Variants in DIP2A observed in about 807,000 individuals in gnomAD.
DIP2A encodes the protein DIP2 acetate--CoA ligase A.
Under a neutral mutation model 177.4 loss-of-function variants are expected in DIP2A, and 85 were observed. That is an observed-to-expected ratio of 0.48 (90% CI 0.40 to 0.57). The LOEUF (loss-of-function observed/expected upper bound fraction) is 0.57, where lower values mean the gene tolerates loss of function less well. DIP2A is among the 20% of genes least tolerant of loss of function. The pLI is 0.00. For missense variants in DIP2A, 1,791 were observed against 2,100.2 expected (o/e 0.85, Z 2.88); for synonymous variants, 886 against 881.8 (o/e 1.00, Z -0.08).
At chr21:46,547,572 C>T (rs1425929668) in intron 21 of DIP2A, among the ~76,000 whole-genome samples, 1 of 151,662 alleles carries the variant, frequency 6.6e-6, no homozygotes, top group Admixed American at 6.6e-5. Flanking sequence ...TACTCCCAAG[C>T]TCCTTGTCTG....
At position 46,490,657 on chromosome 21, in the gene DIP2A, C is replaced by A. The variant is rs1400174650; in HGVS notation, c.221C>A (p.Ala74Asp). ...NRIPGPSQTT[A>D]AAPKQQKSRP... ...ATTCCTGGGCCCTCACAAACCACGG[C>A]CGCTGCACCCAAGCAGCAGAAGTCT... Residue 74 changes from alanine (A) to aspartate (D), a missense_variant, in exon 3 of 38, where the codon GCC becomes GAC. Physicochemically the swap from Ala to Asp is moderately radical, Grantham distance 126. Transcript: ENST00000417564. 6.3e-7 allele frequency: 1 copy of A among 1,589,804 alleles called. No homozygotes were observed. The highest frequency in any genetic ancestry group is 2.3e-5 in the East Asian group (1 of 43,740).
At chr21:46,474,960 G>A (rs934682725) in intron 1 of DIP2A, among the ~76,000 whole-genome samples, 2 of 152,194 alleles carry the variant, frequency 1.3e-5, no homozygotes, top group Non-Finnish European at 2.9e-5. Context: ...AATGAGGAAA[G>A]GATATGGTTT....
intron 8 of DIP2A, among the ~76,000 whole-genome samples, chr21:46,512,490 A>G (rs950893255): frequency 2.6e-5 from 4 of 152,158 alleles, no homozygotes; most frequent in Non-Finnish European, 4.4e-5. Context: ...TCTTTGTTGT[A>G]GGTGTGTTGT....
At position 46,511,455 on chromosome 21, in the gene DIP2A, A is replaced by G. The variant is rs1199115642; in HGVS notation, c.943A>G (p.Ser315Gly). 6.2e-7 allele frequency: 1 copy of G among 1,612,778 alleles called. No individual in the cohort carries two copies. The highest frequency in any genetic ancestry group is 8.5e-7 in the Non-Finnish European group (1 of 1,179,368). Residue 315 changes from serine (S) to glycine (G), a missense_variant, in exon 8 of 38, where the codon AGC becomes GGC. Transcript: ENST00000417564. ...PDPNQPKPEGSETSVLRGEPL... is the reference protein window; with the variant it reads ...PDPNQPKPEGGETSVLRGEPL... ...TCCAAATCAGCCAAAGCCTGAGGGA[A>G]GCGAGACGAGTGTGCTGAGAGGGGA... is the stretch of plus-strand genomic sequence containing the variant.
chr21:46,506,923 CGT>C, intron 6 of DIP2A, among the ~76,000 whole-genome samples: 1 of 150,910 alleles, frequency 6.6e-6, no homozygotes, highest in South Asian at 2.1e-4. Flanking sequence ...GCCTCAGTCT[CGT>C]GAGTAGCTGG....
At chr21:46,515,937 C>A (rs938967593) in intron 8 of DIP2A, among the ~76,000 whole-genome samples, 1 of 152,070 alleles carries the variant, frequency 6.6e-6, no homozygotes, top group African/African-American at 2.4e-5. Context: ...CCTGGGTAAT[C>A]ATTTCCTTCT....
rs770236903 is a variant in DIP2A at position 46,541,840 on chromosome 21, T to C, written c.2121T>C (p.Thr707=). The change falls in exon 18 of 38, where the codon ACT becomes ACC. Residue 707 remains threonine, a synonymous_variant. Transcript: ENST00000417564. Reference sequence around the variant, plus strand: ...GTTATGGTGTTATCAGAGTGGATACTGAAGAAAAGTTGTCAGTCCTTACTG... The same window carrying C: ...GTTATGGTGTTATCAGAGTGGATACCGAAGAAAAGTTGTCAGTCCTTACTG... ...GLSYGVIRVD[T]EEKLSVLTVQ... 14 of 1,614,032 alleles carry C rather than the reference T, an allele frequency of 8.7e-6. No homozygotes were observed. Among genetic ancestry groups the C allele is most frequent in the Non-Finnish European group, 1.2e-5 (14 of 1,179,886 alleles).
At chr21:46,536,883 A>C (rs1260213999) in intron 13 of DIP2A, among the ~76,000 whole-genome samples, 1 of 151,014 alleles carries the variant, frequency 6.6e-6, no homozygotes, top group Non-Finnish European at 1.5e-5. Context: ...TAGCCTGGGC[A>C]ACAGAGCAAG....
intron 6 of DIP2A, among the ~76,000 whole-genome samples, chr21:46,508,743 C>T (rs1372684183): frequency 2.6e-5 from 4 of 151,908 alleles, no homozygotes; most frequent in African/African-American, 9.7e-5. Flanking sequence ...ACTGCTTAGG[C>T]CGGGCGCGGT....
chr21:46,503,628 CTTTCTTTCCTTTCTTTCTTTCTTTTT>C (rs1349179816), intron 5 of DIP2A, among the ~76,000 whole-genome samples: 8 of 123,680 alleles, frequency 6.5e-5, no homozygotes, highest in East Asian at 2.4e-4. Context: ...TTCTTTCTTT[CTTTCTTTCCTTTCTTTCTTTCTTTTT>C]CTTTCTTTCT....
chr21:46,576,387 T>C, the DIP2A span, among the ~76,000 whole-genome samples: 1 of 152,316 alleles, frequency 6.6e-6, no homozygotes, highest in East Asian at 1.9e-4. Context: ...TGGTTTTCTG[T>C]TCCTGCGTTA....
intron 3 of DIP2A, among the ~76,000 whole-genome samples, chr21:46,494,873 G>A (rs1433337235): frequency 6.6e-6 from 1 of 152,168 alleles, no homozygotes; most frequent in Non-Finnish European, 1.5e-5. Flanking sequence ...GTTAGGATAA[G>A]AAGTTCTAGG....
intron 32 of DIP2A, among the ~76,000 whole-genome samples, chr21:46,559,294 G>A (rs567636953): frequency 2.6e-5 from 4 of 152,040 alleles, no homozygotes; most frequent in African/African-American, 9.7e-5. Context: ...CATATTGAAC[G>A]CCTTATTCAC....
At chr21:46,559,588 G>A (rs150539807) in intron 32 of DIP2A, among the ~76,000 whole-genome samples, 5 of 152,298 alleles carry the variant, frequency 3.3e-5, no homozygotes, top group African/African-American at 4.8e-5. Context: ...CGTGGGTGCC[G>A]GCCTTTGTGT....
chr21:46,562,996 T>C (rs1448769416), intron 34 of DIP2A, among the ~76,000 whole-genome samples: 1 of 152,230 alleles, frequency 6.6e-6, no homozygotes, highest in South Asian at 2.1e-4. Flanking sequence ...ATTGTTTAGC[T>C]CACCCCCTTT....
At chr21:46,464,542 C>T (rs1027384479) in intron 1 of DIP2A, among the ~76,000 whole-genome samples, 7 of 152,130 alleles carry the variant, frequency 4.6e-5, no homozygotes, top group African/African-American at 1.7e-4. Context: ...ATTTATTTCT[C>T]ACAGTTCCAG....
chr21:46,529,028 C>T (rs2059244282), intron 8 of DIP2A, 64 bp from the exon 9 acceptor site: 23 of 1,099,992 alleles, frequency 2.1e-5, no homozygotes, highest in Non-Finnish European at 2.9e-5. Flanking sequence ...TTGGTTTCTA[C>T]ATTAAAATGT....
intron 33 of DIP2A, 162 bp from the exon 34 acceptor site, chr21:46,561,586 G>C (rs912574919): frequency 1.1e-6 from 1 of 941,272 alleles, no homozygotes; most frequent in African/African-American, 1.6e-5. Context: ...GCGTGGTTGG[G>C]GTGTCCCTGC....
At chr21:46,476,390 A>G (rs2055847901) in intron 1 of DIP2A, among the ~76,000 whole-genome samples, 1 of 151,966 alleles carries the variant, frequency 6.6e-6, no homozygotes, top group African/African-American at 2.4e-5. Flanking sequence ...ATAGAGGATG[A>G]GCAATCTACA....
Sources: allele counts gnomAD v4.1 joint callset (sites outside exome capture counted in the v4.1 genomes callset), GRCh38; gene constraint gnomAD v4.1.1; transcripts MANE v1.5; gene names NCBI Gene and HGNC (gene_info 2026-07-23, HGNC 2026-07-21).